LARGE1: variants seen among roughly 807,000 people sequenced by gnomAD.
LARGE1 encodes xylosyl- and glucuronyltransferase LARGE1.
In LARGE1, 43 loss-of-function variants were observed where a neutral mutation model predicts 87.6. That is an observed-to-expected ratio of 0.49 (90% confidence interval 0.38 to 0.63). LARGE1 has a LOEUF of 0.63. LARGE1 is among the 30% of genes least tolerant of loss of function. The pLI, the probability that LARGE1 is intolerant of heterozygous loss-of-function variation, is 0.00. For synonymous variants in LARGE1, 434 were observed against 394.6 expected, an observed-to-expected ratio of 1.10 and a Z score of -1.18; for missense variants, 802 against 1,000.2, an observed-to-expected ratio of 0.80 and a Z score of 2.67.
intron 1 of LARGE1, among the ~76,000 whole-genome samples, chr22:33,773,061 G>A (rs748955536): frequency 2.6e-5 from 4 of 152,070 alleles, no homozygotes; most frequent in African/African-American, 4.8e-5. Context: ...ACACCCTCTC[G>A]TGCACGTGAG....
chr22:33,201,782 C>T (rs1053667435), intron 11 of LARGE1, among the ~76,000 whole-genome samples: 3 of 152,148 alleles, frequency 2.0e-5, no homozygotes, highest in Non-Finnish European at 4.4e-5. Context: ...TTACCATGAA[C>T]GAAATGGAGA....
At chr22:33,076,163 A>ATAT in the LARGE1 span, among the ~76,000 whole-genome samples, 1 of 152,230 alleles carries the variant, frequency 6.6e-6, no homozygotes, top group Admixed American at 6.5e-5. Context: ...GGAAATAATA[A>ATAT]GTTATACTGT....
chr22:33,382,142 C>T, intron 8 of LARGE1, 98 bp from the exon 9 acceptor site: 6 of 1,490,544 alleles, frequency 4.0e-6, no homozygotes, highest in Non-Finnish European at 5.5e-6. Flanking sequence ...TAGGGCTTCT[C>T]TTGAACCTCC....
At chr22:33,690,949 G>A (rs1369102615) in intron 2 of LARGE1, among the ~76,000 whole-genome samples, 1 of 152,128 alleles carries the variant, frequency 6.6e-6, no homozygotes, top group African/African-American at 2.4e-5. Flanking sequence ...GCGCTCATGT[G>A]GACCCTGCCA....
intron 11 of LARGE1, among the ~76,000 whole-genome samples, chr22:33,227,849 A>G (rs898876782): frequency 6.6e-6 from 1 of 152,224 alleles, no homozygotes; most frequent in African/African-American, 2.4e-5. Flanking sequence ...GCACATTCCT[A>G]TGCAGCTTAC....
At chr22:33,667,169 T>A (rs1395039522) in intron 2 of LARGE1, among the ~76,000 whole-genome samples, 1 of 152,246 alleles carries the variant, frequency 6.6e-6, no homozygotes, top group Non-Finnish European at 1.5e-5. Context: ...CTGGGTTGTT[T>A]TGCTGGATGA....
intron 9 of LARGE1, among the ~76,000 whole-genome samples, chr22:33,354,943 A>C (rs1485048457): frequency 6.6e-6 from 1 of 152,256 alleles, no homozygotes; most frequent in Admixed American, 6.5e-5. Context: ...TATGTTTTTC[A>C]TAAGAGCAAA....
intron 2 of LARGE1, among the ~76,000 whole-genome samples, chr22:33,741,341 G>GAGGTA (rs2083873391): frequency 6.6e-6 from 1 of 152,190 alleles, no homozygotes; most frequent in African/African-American, 2.4e-5. Context: ...ACTACTGAAT[G>GAGGTA]CACTCCCACT....
At chr22:33,674,993 T>C (rs546437087) in intron 2 of LARGE1, among the ~76,000 whole-genome samples, 82 of 151,656 alleles carry the variant, frequency 5.4e-4, no homozygotes, top group Admixed American at 1.6e-3. Flanking sequence ...GTTTGTTTGC[T>C]TAAAAATGAA....
At chr22:33,513,846 C>T (rs1041196321) in intron 6 of LARGE1, among the ~76,000 whole-genome samples, 1 of 150,252 alleles carries the variant, frequency 6.7e-6, no homozygotes, top group East Asian at 2.0e-4. Flanking sequence ...CACACACACA[C>T]GAGTCATGTG....
At chr22:33,699,035 G>A (rs1026268970) in intron 2 of LARGE1, among the ~76,000 whole-genome samples, 1 of 152,110 alleles carries the variant, frequency 6.6e-6, no homozygotes, top group Non-Finnish European at 1.5e-5. Flanking sequence ...ACAGAGACTC[G>A]GGGTCCTCCT....
At chr22:33,405,126 G>A (rs866055977) in intron 7 of LARGE1, among the ~76,000 whole-genome samples, 23 of 152,248 alleles carry the variant, frequency 1.5e-4, no homozygotes, top group African/African-American at 5.5e-4. Flanking sequence ...GAGAAAGATC[G>A]TCCTGCATTC....
In LARGE1 at chr22:33,384,299, TCACCCCTGGGCAA is replaced by T; in HGVS notation, c.893-8_897del. On this transcript the variant is annotated splice_acceptor_variant and splice_polypyrimidine_tract_variant and coding_sequence_variant and intron_variant, in exon 8 of 15. Coordinates refer to ENST00000397394, the MANE Select transcript of LARGE1 (RefSeq NM_133642.5). LOFTEE classifies it high-confidence loss of function. ...CGCAGCTTATCCAGAAGTAACAGGA[TCACCCCTGGGCAA>T]CAGCACAGGATAAAAGAGAAAATTA... The T allele has an allele frequency of 1.2e-6, 2 of 1,612,450 alleles. No homozygotes were observed. Among genetic ancestry groups the T allele is most frequent in the Non-Finnish European group, 1.7e-6 (2 of 1,178,858 alleles).
chr22:33,307,201 G>A (rs930971786), intron 11 of LARGE1, among the ~76,000 whole-genome samples: 10 of 152,130 alleles, frequency 6.6e-5, no homozygotes, highest in African/African-American at 2.4e-4. Context: ...CCACACTGTG[G>A]CTATCATATT....
intron 11 of LARGE1, among the ~76,000 whole-genome samples, chr22:33,258,661 G>A (rs1927447593): frequency 6.6e-6 from 1 of 152,180 alleles, no homozygotes; most frequent in Non-Finnish European, 1.5e-5. Flanking sequence ...CTTGAGAACA[G>A]AGGCATTCCT....
intron 1 of LARGE1, among the ~76,000 whole-genome samples, chr22:33,899,902 G>C (rs372258197): frequency 2.6e-4 from 39 of 152,330 alleles, no homozygotes; most frequent in African/African-American, 9.1e-4. Flanking sequence ...GTAAATGCAA[G>C]TAAAAGGCAC....
At chr22:33,344,428 A>T (rs1007505945) in intron 9 of LARGE1, among the ~76,000 whole-genome samples, 2 of 152,162 alleles carry the variant, frequency 1.3e-5, no homozygotes, top group Non-Finnish European at 2.9e-5. Context: ...AACTACAAGT[A>T]TGATAACGTG....
rs955989709 is a variant in LARGE1, at chr22:33,643,814, G to A, written c.408+6553C>T. On this transcript the variant is annotated intron_variant, in intron 3 of 14. Transcript: ENST00000397394. ...CACAAATAAACTAGGAAATCTAGAA[G>A]AAATGGATAAATTCCTGGACATATA... is the stretch of plus-strand genomic sequence containing the variant. Among the ~76,000 whole-genome samples the A allele has an allele frequency of 3.9e-5, 6 of 152,282 alleles. No individual in the cohort carries two copies. In the South Asian group the frequency reaches 6.2e-4, roughly 16 times the overall value.
chr22:33,728,508 C>T (rs2083341831), intron 2 of LARGE1, among the ~76,000 whole-genome samples: 1 of 130,588 alleles, frequency 7.7e-6, no homozygotes, highest in South Asian at 2.5e-4. Flanking sequence ...CACTGCACTA[C>T]AGCCTGGGCA....
Sources: gnomAD v4.1 joint callset for allele counts (sites outside exome capture counted in the v4.1 genomes callset) on GRCh38, gnomAD v4.1.1 for gene constraint, MANE v1.5 for transcripts, NCBI Gene and HGNC (gene_info 2026-07-23, HGNC 2026-07-21) for gene names.